STK3: variants seen among roughly 807,000 people sequenced by gnomAD.
STK3 encodes serine/threonine-protein kinase 3.
STK3 carries 41 observed loss-of-function variants against 58.0 expected under a neutral mutation model. The observed-to-expected ratio is 0.71, with a 90% CI of 0.55 to 0.92. STK3 has a LOEUF of 0.92. Among genes scored for constraint, STK3 ranks in the 40% least tolerant of loss-of-function variants. STK3 has a pLI of 0.00. For missense variants in STK3, 479 were observed against 602.7 expected (o/e 0.79, Z 2.15); for synonymous variants, 170 against 191.0 (o/e 0.89, Z 0.91).
chr8:98,388,344 A>G (rs1817813425), upstream of STK3: 1 of 152,188 alleles, frequency 6.6e-6, no homozygotes, highest in South Asian at 2.1e-4. Context: ...GGCTGCTAAA[A>G]CCCTTAGGTG....
At chr8:98,849,740 AT>A (rs753212123) in intron 3 of STK3, among the ~76,000 whole-genome samples, 4 of 152,086 alleles carry the variant, frequency 2.6e-5, no homozygotes, top group Non-Finnish European at 4.4e-5. Flanking sequence ...ATCCGTATCA[AT>A]CTCTTCATAA....
chr8:98,859,914 C>T (rs975908402), intron 3 of STK3, among the ~76,000 whole-genome samples: 1 of 152,184 alleles, frequency 6.6e-6, no homozygotes, highest in South Asian at 2.1e-4. Flanking sequence ...GTGTGCTTAC[C>T]TACTTGAGCT....
chr8:98,444,683 C>T (rs1446877734), intron 1 of STK3, among the ~76,000 whole-genome samples: 1 of 152,102 alleles, frequency 6.6e-6, no homozygotes, highest in Non-Finnish European at 1.5e-5. Context: ...GCAGAAAATA[C>T]AAGGGGAATG....
At chr8:98,775,613 G>A (rs1831629250) in intron 1 of STK3, among the ~76,000 whole-genome samples, 1 of 152,164 alleles carries the variant, frequency 6.6e-6, no homozygotes, top group African/African-American at 2.4e-5. Flanking sequence ...CTTATCTCTA[G>A]CCAAAAAGTC....
chr8:98,436,384 A>G (rs965580695), intron 2 of STK3, among the ~76,000 whole-genome samples: 4 of 151,956 alleles, frequency 2.6e-5, no homozygotes, highest in Non-Finnish European at 5.9e-5. Context: ...CACATCACCC[A>G]TGTGCATTGG....
chr8:98,745,655 G>C (rs1211261713), intron 4 of STK3, among the ~76,000 whole-genome samples: 1 of 152,082 alleles, frequency 6.6e-6, no homozygotes, highest in Non-Finnish European at 1.5e-5. Flanking sequence ...GAGGCCAAGA[G>C]GCTAATAAGC....
chr8:98,642,745 C>G (rs1176312741), intron 6 of STK3, among the ~76,000 whole-genome samples: 2 of 152,144 alleles, frequency 1.3e-5, no homozygotes, highest in East Asian at 3.8e-4. Context: ...CAGTTTACAT[C>G]CTTGTTGAAA....
At chr8:98,569,279 G>A (rs920070182) in intron 8 of STK3, among the ~76,000 whole-genome samples, 1 of 152,076 alleles carries the variant, frequency 6.6e-6, no homozygotes. Flanking sequence ...AAGCTACTGG[G>A]AGATATGATA....
intron 10 of STK3, among the ~76,000 whole-genome samples, chr8:98,495,756 TC>T (rs1823084733): frequency 6.6e-6 from 1 of 152,188 alleles, no homozygotes; most frequent in Non-Finnish European, 1.5e-5. Context: ...TACTACATAA[TC>T]AAACATCTGT....
intron 7 of STK3, 144 bp from the exon 8 acceptor site, chr8:98,579,933 G>A (rs2131728569): frequency 1.3e-6 from 1 of 783,114 alleles, no homozygotes; most frequent in East Asian, 3.4e-5. Context: ...TATAGGTTAA[G>A]AAAAGAGAGT....
chr8:98,907,234 C>G (rs562663601), intron 1 of STK3, among the ~76,000 whole-genome samples: 2 of 152,126 alleles, frequency 1.3e-5, no homozygotes, highest in Admixed American at 6.5e-5. Flanking sequence ...TCAAAAAAGG[C>G]CGGGTGCGGT....
At chr8:98,434,991 G>T (rs891936709) in intron 2 of STK3, among the ~76,000 whole-genome samples, 2 of 152,178 alleles carry the variant, frequency 1.3e-5, no homozygotes, top group African/African-American at 2.4e-5. Context: ...CCTCCTGGGG[G>T]CAACGATCAC....
Position 98,707,213 on chromosome 8 carries a change from T to G in STK3, c.450A>C (p.Gly150=). The G allele has an allele frequency of 6.2e-7, 1 of 1,612,384 alleles. No homozygotes were observed. The highest frequency in any genetic ancestry group is 1.1e-5 in the South Asian group (1 of 90,396). ...GTCCTTCTGTATTGAGGAGAATATT[T>G]CCAGCTTTTATATCTCTGTGTATTT... ...MRKIHRDIKA[G]NILLNTEGHA... is the part of the protein sequence containing the mutation. Residue 150 remains glycine, a synonymous_variant, in exon 5 of 11, where the codon GGA becomes GGC. Transcript: ENST00000419617.
rs1284447212 is a variant in STK3, at chr8:98,648,885, C to T, written c.685-52716G>A. Among the ~76,000 whole-genome samples the T allele has an allele frequency of 5.5e-4, 81 of 146,852 alleles. 1 individual carries two copies. Among genetic ancestry groups the T allele is most frequent in the Admixed American group, 5.3e-3 (78 of 14,778 alleles). On this transcript the variant is annotated intron_variant, in intron 6 of 10. Coordinates refer to ENST00000419617, the MANE Select transcript of STK3 (RefSeq NM_006281.4). ...CAGCCTGGGTGACAGAGCAAGACTC[C>T]GTCTCAAAAAAAAAAAAAAAATTAG...
chr8:98,883,546 A>G (rs887001168), downstream of STK3: 1 of 599,834 alleles, frequency 1.7e-6, no homozygotes, highest in Non-Finnish European at 3.0e-6. Flanking sequence ...TAACATAAAT[A>G]AAAAGAAGAA....
intron 8 of STK3, among the ~76,000 whole-genome samples, chr8:98,578,361 T>C (rs190055632): frequency 6.6e-6 from 1 of 152,286 alleles, no homozygotes; most frequent in Admixed American, 6.5e-5. Context: ...AATGAATTCA[T>C]TGGTGAAAGA....
At chr8:98,901,364 C>T (rs1838649993) in intron 1 of STK3, among the ~76,000 whole-genome samples, 1 of 152,202 alleles carries the variant, frequency 6.6e-6, no homozygotes, top group South Asian at 2.1e-4. Context: ...CTTCTCCTTC[C>T]CCCATCCAAA....
At chr8:98,652,264 T>C (rs1405897909) in intron 6 of STK3, among the ~76,000 whole-genome samples, 1 of 152,090 alleles carries the variant, frequency 6.6e-6, no homozygotes, top group Non-Finnish European at 1.5e-5. Flanking sequence ...TAAAATCCTT[T>C]ACAGAAAAGC....
At chr8:98,382,576 C>A (rs1817747558) in intron 1 of STK3, among the ~76,000 whole-genome samples, 1 of 150,076 alleles carries the variant, frequency 6.7e-6, no homozygotes, top group African/African-American at 2.5e-5. Context: ...GCGGGGGGAG[C>A]CTGCTTTTTT....
Sources: allele counts gnomAD v4.1 joint callset (sites outside exome capture counted in the v4.1 genomes callset), GRCh38; gene constraint gnomAD v4.1.1; transcripts MANE v1.5; gene names NCBI Gene and HGNC (gene_info 2026-07-23, HGNC 2026-07-21).